Variants in KMT2C observed in about 807,000 individuals in gnomAD.
KMT2C encodes histone-lysine N-methyltransferase 2C.
A neutral mutation model predicts 507.9 loss-of-function variants in KMT2C; 88 were observed. The ratio of observed to expected loss-of-function variants is 0.17; its 90% CI spans 0.15 to 0.21. KMT2C has a LOEUF of 0.21. Ranked by LOEUF, KMT2C falls within the 10% of genes least tolerant of loss-of-function variation. The probability of loss-of-function intolerance (pLI) is 1.00; values close to 1 mark genes in which losing one functional copy is unlikely to be tolerated. For synonymous variants in KMT2C, 2,049 were observed against 2,080.8 expected, an observed-to-expected ratio of 0.98 and a Z score of 0.42; for missense variants, 4,954 against 5,957.8, an observed-to-expected ratio of 0.83 and a Z score of 5.55.
chr7:152,191,788 A>T (rs1387777203), intron 31 of KMT2C, among the ~76,000 whole-genome samples: 1 of 152,226 alleles, frequency 6.6e-6, no homozygotes, highest in Non-Finnish European at 1.5e-5. Flanking sequence ...GAAAACATTA[A>T]AGTTGCCATT....
intron 6 of KMT2C, among the ~76,000 whole-genome samples, chr7:152,287,108 AACGCGGC>A (rs2096313236): frequency 6.6e-6 from 1 of 152,216 alleles, no homozygotes; most frequent in Non-Finnish European, 1.5e-5. Context: ...ACTGAGCAGT[AACGCGGC>A]TTCCTCCCTC....
At chr7:152,420,343 T>G (rs1048330472) in intron 1 of KMT2C, among the ~76,000 whole-genome samples, 1 of 152,204 alleles carries the variant, frequency 6.6e-6, no homozygotes, top group African/African-American at 2.4e-5. Context: ...CACTAAGAAT[T>G]GGGATCCTTT....
chr7:152,252,810 G>T, intron 9 of KMT2C, 95 bp from the exon 10 acceptor site: 2 of 870,248 alleles, frequency 2.3e-6, no homozygotes, highest in Non-Finnish European at 3.4e-6. Flanking sequence ...AATCATTTGT[G>T]GATTATACAT....
At chr7:152,354,140 TA>T (rs1008851571) in intron 2 of KMT2C, among the ~76,000 whole-genome samples, 1 of 151,886 alleles carries the variant, frequency 6.6e-6, no homozygotes. Context: ...AAAGCCAGGT[TA>T]AAAAAAATAG....
intron 6 of KMT2C, among the ~76,000 whole-genome samples, chr7:152,281,398 T>G (rs1387706533): frequency 6.6e-6 from 1 of 152,130 alleles, no homozygotes; most frequent in Non-Finnish European, 1.5e-5. Context: ...AGCATTATTA[T>G]TTGCCAGCAG....
intron 6 of KMT2C, among the ~76,000 whole-genome samples, chr7:152,289,327 C>G (rs2096364777): frequency 6.6e-6 from 1 of 152,164 alleles, no homozygotes; most frequent in African/African-American, 2.4e-5. Context: ...TGTAGAGTAT[C>G]ATTGAGAATA....
At chr7:152,253,514 C>CCA (rs1300641123) in intron 9 of KMT2C, among the ~76,000 whole-genome samples, 20 of 39,510 alleles carry the variant, frequency 5.1e-4, no homozygotes, top group Non-Finnish European at 9.7e-4. Context: ...TCTTTCTCTA[C>CCA]AAAAAAAAAA....
intron 14 of KMT2C, among the ~76,000 whole-genome samples, chr7:152,244,730 A>C (rs2095441840): frequency 6.6e-6 from 1 of 152,188 alleles, no homozygotes; most frequent in African/African-American, 2.4e-5. Flanking sequence ...ATAGGCAAGA[A>C]AACAAAAAAC....
intron 6 of KMT2C, among the ~76,000 whole-genome samples, chr7:152,297,676 C>T (rs181757425): frequency 1.3e-5 from 2 of 152,034 alleles, no homozygotes; most frequent in East Asian, 3.9e-4. Flanking sequence ...AAAACAAAAC[C>T]CAAAAGAATG....
chr7:152,257,072 C>A (rs1188760206), intron 9 of KMT2C, among the ~76,000 whole-genome samples: 4 of 152,148 alleles, frequency 2.6e-5, no homozygotes, highest in Non-Finnish European at 5.9e-5. Context: ...AGTGTAAAAT[C>A]ATTTATAATG....
chr7:152,307,200 A>C, intron 6 of KMT2C, among the ~76,000 whole-genome samples: 1 of 30,324 alleles, frequency 3.3e-5, no homozygotes, highest in Admixed American at 3.1e-4. Context: ...AGAGGGAGGA[A>C]GGAAGGAAGG....
At chr7:152,317,579 G>C (rs1229495487) in intron 3 of KMT2C, among the ~76,000 whole-genome samples, 1 of 152,230 alleles carries the variant, frequency 6.6e-6, no homozygotes, top group Non-Finnish European at 1.5e-5. Flanking sequence ...TAAGAACTCA[G>C]TAAAAATTTT....
At chr7:152,435,257 AC>A (rs890529631) in intron 1 of KMT2C, among the ~76,000 whole-genome samples, 6 of 151,676 alleles carry the variant, frequency 4.0e-5, no homozygotes, top group Non-Finnish European at 2.9e-5. Context: ...CCGTCCGGGG[AC>A]TACCTGGGCG....
chr7:152,383,926 T>G (rs2097397296), intron 1 of KMT2C, among the ~76,000 whole-genome samples: 2 of 152,038 alleles, frequency 1.3e-5, no homozygotes, highest in African/African-American at 4.8e-5. Flanking sequence ...CAGCAACTTT[T>G]CAACACCAAT....
intron 31 of KMT2C, among the ~76,000 whole-genome samples, chr7:152,193,308 A>C (rs1023480713): frequency 6.6e-6 from 1 of 152,204 alleles, no homozygotes; most frequent in Non-Finnish European, 1.5e-5. Flanking sequence ...TAGGCTATCA[A>C]ATTTCAGCTC....
At chr7:152,314,982 T>C (rs1201697063) in intron 4 of KMT2C, among the ~76,000 whole-genome samples, 156 bp downstream of exon 4, 1 of 152,160 alleles carries the variant, frequency 6.6e-6, no homozygotes, top group Non-Finnish European at 1.5e-5. Flanking sequence ...GTTGGATTAA[T>C]TGGGTTAATG....
rs200300282 is a variant in KMT2C at position 152,373,243 on chromosome 7, ATT to A, written c.162-14570_162-14569del. On this transcript the variant is annotated intron_variant, in intron 1 of 58. Coordinates refer to ENST00000262189, the MANE Select transcript of KMT2C (RefSeq NM_170606.3). ...AATGACTATGGATCAAAAAAATATT[ATT>A]TGTTTATTACTGTCTCTTTAGCTGT... Among the ~76,000 whole-genome samples the A allele has an allele frequency of 7.7e-3, 1,178 of 152,250 alleles. 17 individuals carry two copies. Among genetic ancestry groups the A allele is most frequent in the African/African-American group, 0.027 (1,138 of 41,530 alleles).
rs1464938215 is a variant in KMT2C, at chr7:152,281,313, T to C, written c.850-7446A>G. ...AGTATAATTTTAAAATAGACAAGGA[T>C]AGTTTATAGAATTTCATAATTTAAG... On this transcript the variant is annotated intron_variant, in intron 6 of 58. Transcript: ENST00000262189. Among the ~76,000 whole-genome samples, 5 of 152,294 alleles carry C rather than the reference T, an allele frequency of 3.3e-5. No individual in the cohort carries two copies. The South Asian group carries it at 1.0e-3, about 32-fold the overall frequency.
At chr7:152,422,144 G>C (rs990591869) in intron 1 of KMT2C, among the ~76,000 whole-genome samples, 4 of 151,928 alleles carry the variant, frequency 2.6e-5, no homozygotes, top group African/African-American at 9.7e-5. Flanking sequence ...ACCATGCTGA[G>C]GTCAAAAACT....
Sources: allele counts gnomAD v4.1 joint callset (sites outside exome capture counted in the v4.1 genomes callset), GRCh38; gene constraint gnomAD v4.1.1; transcripts MANE v1.5; gene names NCBI Gene and HGNC (gene_info 2026-07-23, HGNC 2026-07-21).